The following KLF12 variants were observed in gnomAD, a reference collection of about 807,000 sequenced individuals.
KLF12 encodes the protein Krueppel-like factor 12.
In KLF12, 9 loss-of-function variants were observed where a neutral mutation model predicts 37.8. That is an observed-to-expected ratio of 0.24 (90% CI 0.14 to 0.42). The LOEUF is 0.42. Ranked by LOEUF, KLF12 falls within the 10% of genes least tolerant of loss-of-function variation. The pLI is 1.00. For synonymous variants in KLF12, 208 were observed against 202.1 expected (o/e 1.03, Z -0.25); for missense variants, 411 against 516.0 (o/e 0.80, Z 1.97).
the KLF12 span, among the ~76,000 whole-genome samples, chr13:74,207,562 G>A: frequency 6.6e-6 from 1 of 152,166 alleles, no homozygotes; most frequent in Non-Finnish European, 1.5e-5. Context: ...TGTAATCCCA[G>A]CTACTTGGGA....
intron 1 of KLF12, among the ~76,000 whole-genome samples, chr13:74,092,895 A>C (rs1875759654): frequency 6.6e-6 from 1 of 152,214 alleles, no homozygotes; most frequent in Admixed American, 6.5e-5. Flanking sequence ...GCACCTGAGA[A>C]AGAAGCTTCC....
At chr13:73,972,049 G>A (rs1004604182) in intron 2 of KLF12, among the ~76,000 whole-genome samples, 1 of 152,198 alleles carries the variant, frequency 6.6e-6, no homozygotes, top group Non-Finnish European at 1.5e-5. Flanking sequence ...GATATGAAAT[G>A]ATGCTCAGGA....
intron 3 of KLF12, among the ~76,000 whole-genome samples, chr13:73,919,010 G>A (rs141474814): frequency 6.6e-5 from 10 of 152,206 alleles, no homozygotes; most frequent in Admixed American, 2.0e-4. Flanking sequence ...CAAGCTAAAC[G>A]GGTACCCTGG....
At chr13:73,724,020 C>A (rs1394876830) in intron 6 of KLF12, among the ~76,000 whole-genome samples, 1 of 152,140 alleles carries the variant, frequency 6.6e-6, no homozygotes, top group African/African-American at 2.4e-5. Context: ...TACCATTTGA[C>A]CCAGCAATAC....
At chr13:73,865,188 T>C (rs1886112407) in intron 3 of KLF12, among the ~76,000 whole-genome samples, 1 of 152,076 alleles carries the variant, frequency 6.6e-6, no homozygotes, top group African/African-American at 2.4e-5. Context: ...AATCACATTA[T>C]CTCAGTAGTG....
chr13:73,698,587 A>G (rs373092917), intron 7 of KLF12, among the ~76,000 whole-genome samples: 8 of 152,220 alleles, frequency 5.3e-5, no homozygotes, highest in African/African-American at 1.9e-4. Flanking sequence ...TAAAGGTTGA[A>G]AAAACAAGAG....
chr13:73,702,162 A>G (rs1156441117), intron 7 of KLF12, among the ~76,000 whole-genome samples: 1 of 152,170 alleles, frequency 6.6e-6, no homozygotes, highest in Non-Finnish European at 1.5e-5. Context: ...TAAATAGACT[A>G]AGTGTTCTGG....
At chr13:73,799,852 T>G (rs922688058) in intron 5 of KLF12, among the ~76,000 whole-genome samples, 6 of 152,184 alleles carry the variant, frequency 3.9e-5, no homozygotes, top group Non-Finnish European at 8.8e-5. Context: ...CTTGTAATAG[T>G]GCTTACATAT....
intron 4 of KLF12, among the ~76,000 whole-genome samples, chr13:73,830,991 T>C (rs917784712): frequency 9.2e-5 from 11 of 119,002 alleles, no homozygotes; most frequent in East Asian, 2.1e-4. Flanking sequence ...ACGCAATTCA[T>C]ACACACACAC....
At chr13:73,881,184 C>A (rs898084699) in intron 3 of KLF12, among the ~76,000 whole-genome samples, 18 of 151,930 alleles carry the variant, frequency 1.2e-4, no homozygotes, top group Non-Finnish European at 1.9e-4. Context: ...TATATATAAA[C>A]CATTATTTAT....
chr13:74,219,254 C>A, the KLF12 span, among the ~76,000 whole-genome samples: 1 of 152,192 alleles, frequency 6.6e-6, no homozygotes, highest in Non-Finnish European at 1.5e-5. Flanking sequence ...CCATGCCCGG[C>A]TGAGATTTGT....
chr13:73,830,816 C>T (rs568165536), intron 4 of KLF12, among the ~76,000 whole-genome samples: 9 of 152,062 alleles, frequency 5.9e-5, no homozygotes, highest in Admixed American at 1.3e-4. Context: ...ACATGGATGT[C>T]GATCTCTGAA....
intron 3 of KLF12, among the ~76,000 whole-genome samples, chr13:73,887,000 A>C (rs923927905): frequency 2.2e-4 from 33 of 152,076 alleles, no homozygotes; most frequent in Middle Eastern, 6.8e-3. Context: ...CTCAAAAAAA[A>C]AAAAAAAACA....
the KLF12 span, among the ~76,000 whole-genome samples, chr13:74,243,719 T>C: frequency 6.6e-6 from 1 of 152,174 alleles, no homozygotes; most frequent in East Asian, 1.9e-4. Context: ...TGATGAACAT[T>C]TTATTCATAT....
intron 5 of KLF12, among the ~76,000 whole-genome samples, chr13:73,790,212 A>T (rs1284401617): frequency 6.6e-6 from 1 of 152,208 alleles, no homozygotes; most frequent in Non-Finnish European, 1.5e-5. Context: ...AGCTTCCAAA[A>T]ACAGGTTGCA....
chr13:73,922,773 A>G lies in KLF12; in HGVS notation c.123+21208T>C, dbSNP rs546560724. On this transcript the variant is annotated intron_variant, in intron 3 of 7. Transcript: ENST00000377669. ...GGCTTCAGCTAATCCAAAACCCTAC[A>G]TTCAAACTTGTAAAAACCAGACATT... 2.0e-5 allele frequency among the ~76,000 whole-genome samples: 3 copies of G among 152,324 alleles called. No individual in the cohort carries two copies. In the East Asian group the frequency reaches 5.8e-4, roughly 29 times the overall value.
intron 1 of KLF12, among the ~76,000 whole-genome samples, chr13:74,073,121 T>C (rs1490893639): frequency 6.6e-6 from 1 of 152,234 alleles, no homozygotes; most frequent in African/African-American, 2.4e-5. Flanking sequence ...CCTTCTGCCA[T>C]GATCGTGAGG....
intron 1 of KLF12, among the ~76,000 whole-genome samples, chr13:74,019,251 T>C (rs947990376): frequency 2.6e-5 from 4 of 152,140 alleles, no homozygotes; most frequent in African/African-American, 9.7e-5. Context: ...GAAGTTCAAG[T>C]TTTTAAGTGG....
chr13:74,238,795 A>G, the KLF12 span, among the ~76,000 whole-genome samples: 1 of 151,958 alleles, frequency 6.6e-6, no homozygotes, highest in Non-Finnish European at 1.5e-5. Context: ...TATCCCCTTT[A>G]TCATTTTTTA....
Sources: gnomAD v4.1 joint callset for allele counts (sites outside exome capture counted in the v4.1 genomes callset) on GRCh38, gnomAD v4.1.1 for gene constraint, MANE v1.5 for transcripts, NCBI Gene and HGNC (gene_info 2026-07-23, HGNC 2026-07-21) for gene names.